Variants in DIS3L2 observed in about 807,000 individuals in gnomAD.
DIS3L2 encodes the protein DIS3 like 3'-5' exoribonuclease 2.
Under a neutral mutation model 97.5 loss-of-function variants are expected in DIS3L2, and 34 were observed. That is an observed-to-expected ratio of 0.35 (90% CI 0.27 to 0.46). The LOEUF is 0.46. Among genes scored for constraint, DIS3L2 ranks in the 20% least tolerant of loss-of-function variants. The pLI, the probability that DIS3L2 is intolerant of heterozygous loss-of-function variation, is 1.00. For missense variants in DIS3L2, 1,038 were observed against 1,146.0 expected, an observed-to-expected ratio of 0.91 and a Z score of 1.36; for synonymous variants, 435 against 445.2, an observed-to-expected ratio of 0.98 and a Z score of 0.29.
At chr2:232,052,690 T>C (rs944611945) in intron 5 of DIS3L2, among the ~76,000 whole-genome samples, 2 of 152,244 alleles carry the variant, frequency 1.3e-5, no homozygotes. Context: ...TGTCTCTTCC[T>C]CTTTCCCCTA....
intron 13 of DIS3L2, among the ~76,000 whole-genome samples, chr2:232,265,666 A>G (rs1448391979): frequency 6.6e-6 from 1 of 152,282 alleles, no homozygotes; most frequent in East Asian, 1.9e-4. Context: ...TGTTGTTTTT[A>G]TAAAAACTAA....
At chr2:232,337,250 T>G, downstream of DIS3L2, 1 of 963,210 alleles carries the variant, frequency 1.0e-6, no homozygotes, top group Non-Finnish European at 1.2e-6. Context: ...AATGTGACTG[T>G]GTCCAACCCT....
At chr2:232,130,916 G>T in intron 7 of DIS3L2, 197 bp downstream of exon 7, 1 of 749,578 alleles carries the variant, frequency 1.3e-6, no homozygotes, top group Non-Finnish European at 2.0e-6. Context: ...CTTTGGATAA[G>T]GGGTCAAGGC....
intron 6 of DIS3L2, among the ~76,000 whole-genome samples, chr2:232,118,125 T>C (rs926926247): frequency 1.3e-5 from 2 of 152,230 alleles, no homozygotes; most frequent in Non-Finnish European, 2.9e-5. Flanking sequence ...GCCTGCTCCA[T>C]GGGCCTCTCT....
At chr2:232,256,348 T>C (rs79803089) in intron 12 of DIS3L2, among the ~76,000 whole-genome samples, 2,966 of 152,324 alleles carry the variant, frequency 0.019, 102 homozygotes, top group African/African-American at 0.068. Context: ...TCCAGGGACC[T>C]GACATCAGTC....
chr2:232,300,046 C>T lies in DIS3L2; in HGVS notation c.1666C>T (p.Leu556Phe). Residue 556 changes from leucine (L) to phenylalanine (F), a missense_variant, in exon 14 of 21, where the codon CTT becomes TTT. Physicochemically the swap from Leu to Phe is conservative, Grantham distance 22 (BLOSUM62 0). Transcript: ENST00000325385. ...CTCTTCTCTCTCTCTTCAGCTAAAG[C>T]TTGCTTTCACTCTGGACCACGAGAC... is the stretch of plus-strand genomic sequence containing the variant. ...DGALRLDQLKLAFTLDHETGL... is the reference protein window; with the variant it reads ...DGALRLDQLKFAFTLDHETGL... 2 of 1,613,552 alleles carry T rather than the reference C, an allele frequency of 1.2e-6. No homozygotes were observed. Among genetic ancestry groups the T allele is most frequent in the Non-Finnish European group, 1.7e-6 (2 of 1,179,550 alleles).
chr2:232,020,708 G>A (rs1694489181), intron 3 of DIS3L2, among the ~76,000 whole-genome samples: 1 of 152,144 alleles, frequency 6.6e-6, no homozygotes, highest in Non-Finnish European at 1.5e-5. Flanking sequence ...GGCCTTGAAT[G>A]TGATGTGAAA....
intron 5 of DIS3L2, among the ~76,000 whole-genome samples, chr2:232,052,392 G>A (rs1695435696): frequency 6.6e-6 from 1 of 152,104 alleles, no homozygotes; most frequent in South Asian, 2.1e-4. Flanking sequence ...GATCCAGGAT[G>A]GTCTGTTTTC....
At chr2:232,157,148 G>T (rs1690515242) in intron 8 of DIS3L2, among the ~76,000 whole-genome samples, 1 of 152,092 alleles carries the variant, frequency 6.6e-6, no homozygotes, top group Admixed American at 6.6e-5. Context: ...TATCAGTCAG[G>T]GTTCTTGTAG....
At chr2:232,018,118 C>G (rs1262097113) in intron 3 of DIS3L2, among the ~76,000 whole-genome samples, 1 of 152,148 alleles carries the variant, frequency 6.6e-6, no homozygotes, top group African/African-American at 2.4e-5. Flanking sequence ...TGAAAGAAAA[C>G]TAGCCTAGAA....
intron 13 of DIS3L2, among the ~76,000 whole-genome samples, chr2:232,286,631 C>G (rs529135062): frequency 1.3e-5 from 2 of 152,144 alleles, no homozygotes; most frequent in Non-Finnish European, 1.5e-5. Flanking sequence ...ATTGAGTTTC[C>G]GCTATAGCTA....
chr2:232,245,874 G>A (rs1038452553), intron 11 of DIS3L2, among the ~76,000 whole-genome samples: 1 of 151,992 alleles, frequency 6.6e-6, no homozygotes, highest in Non-Finnish European at 1.5e-5. Context: ...TGTTTATGAA[G>A]TTTTTTTTGT....
chr2:232,120,768 T>G (rs981400069), intron 6 of DIS3L2, among the ~76,000 whole-genome samples: 1 of 152,144 alleles, frequency 6.6e-6, no homozygotes, highest in African/African-American at 2.4e-5. Flanking sequence ...TTACAGCCAC[T>G]AGATTTACAA....
At chr2:232,129,208 TG>T (rs1392055672) in intron 6 of DIS3L2, among the ~76,000 whole-genome samples, 1 of 152,214 alleles carries the variant, frequency 6.6e-6, no homozygotes, top group Non-Finnish European at 1.5e-5. Flanking sequence ...GTGTCTTGAT[TG>T]GTAGCATTTG....
chr2:232,268,664 C>T lies in DIS3L2; in HGVS notation c.1659+5224C>T, dbSNP rs1436629932. ...TGTTCTTCCTTTGATTATTTTTCAG[C>T]CATTTAAAAATGCATAAACCAGTCT... On this transcript the variant is annotated intron_variant, in intron 13 of 20. Transcript: ENST00000325385. This position sits in a 1 kb window ranked among gnomAD's most constrained non-coding sequence, Gnocchi z 4.1. Among the ~76,000 whole-genome samples the T allele has an allele frequency of 1.3e-5, 2 of 152,180 alleles. No homozygotes were observed. Among genetic ancestry groups the T allele is most frequent in the Non-Finnish European group, 2.9e-5 (2 of 68,034 alleles).
intron 8 of DIS3L2, among the ~76,000 whole-genome samples, chr2:232,141,993 A>T (rs17272054): frequency 0.097 from 14,768 of 152,246 alleles, 800 homozygotes; most frequent in African/African-American, 0.15. Context: ...ATTGAAGCAT[A>T]GGCTCCAAGA....
intron 9 of DIS3L2, among the ~76,000 whole-genome samples, chr2:232,198,096 G>T (rs1013918215): frequency 6.6e-6 from 1 of 152,106 alleles, no homozygotes; most frequent in Non-Finnish European, 1.5e-5. Context: ...TAGCTCTGCA[G>T]TTCTGTGACC....
intron 9 of DIS3L2, among the ~76,000 whole-genome samples, chr2:232,210,045 T>C (rs879410421): frequency 2.0e-4 from 30 of 152,220 alleles, no homozygotes; most frequent in Admixed American, 3.9e-4. Context: ...TTGAGAAGCC[T>C]CGTTCATGGA....
At chr2:232,005,931 T>C (rs1316587529) in intron 1 of DIS3L2, among the ~76,000 whole-genome samples, 4 of 152,234 alleles carry the variant, frequency 2.6e-5, no homozygotes, top group African/African-American at 9.6e-5. Flanking sequence ...CTCATGCCTG[T>C]AATCCCAGCA....
Sources: allele counts gnomAD v4.1 joint callset (sites outside exome capture counted in the v4.1 genomes callset), GRCh38; gene constraint gnomAD v4.1.1; non-coding constraint Gnocchi (gnomAD v3.1); transcripts MANE v1.5; gene names NCBI Gene and HGNC (gene_info 2026-07-23, HGNC 2026-07-21).